TEX9: variants seen among roughly 807,000 people sequenced by gnomAD.
The protein encoded by TEX9 is testis expressed 9.
A neutral mutation model predicts 59.6 loss-of-function variants in TEX9; 74 were observed. The ratio of observed to expected loss-of-function variants is 1.24; its 90% CI spans 1.03 to 1.51. The LOEUF (loss-of-function observed/expected upper bound fraction) is 1.51. Among genes scored for constraint, TEX9 ranks in the 40% most tolerant of loss-of-function variants. TEX9 has a pLI of 0.00. For synonymous variants in TEX9, 186 were observed against 152.2 expected (o/e 1.22, Z -1.64); for missense variants, 522 against 447.8 (o/e 1.17, Z -1.49).
At chr15:56,372,629 G>C (rs2682036) in intron 2 of TEX9, among the ~76,000 whole-genome samples, 1 of 151,914 alleles carries the variant, frequency 6.6e-6, no homozygotes, top group South Asian at 2.1e-4. Context: ...ATTACGTGAA[G>C]ATAGATATTC....
At chr15:56,428,645 A>AG (rs2140300725) in intron 12 of TEX9, 1 of 447,628 alleles carries the variant, frequency 2.2e-6, no homozygotes, top group African/African-American at 2.0e-5. Context: ...TAGCGTGACA[A>AG]TTAAGCACAT....
chr15:56,277,886 G>C (rs574514095), intron 1 of TEX9, among the ~76,000 whole-genome samples: 1 of 152,204 alleles, frequency 6.6e-6, no homozygotes, highest in East Asian at 1.9e-4. Context: ...TTTGTGGAAA[G>C]ACAATAAATG....
At chr15:56,311,137 T>A (rs140192245) in intron 1 of TEX9, among the ~76,000 whole-genome samples, 6,428 of 43,634 alleles carry the variant, frequency 0.15, 217 homozygotes, top group Admixed American at 0.26. Context: ...TTTTTTTTTT[T>A]AATTTCTTTT....
intron 1 of TEX9, among the ~76,000 whole-genome samples, chr15:56,247,611 C>T (rs1218978618): frequency 1.3e-5 from 2 of 151,854 alleles, no homozygotes; most frequent in South Asian, 2.1e-4. Context: ...GTAGTATAGG[C>T]GAGGGAAAAG....
intron 10 of TEX9, among the ~76,000 whole-genome samples, chr15:56,425,330 T>TTCTA (rs1238771106): frequency 6.6e-6 from 1 of 152,182 alleles, no homozygotes; most frequent in African/African-American, 2.4e-5. Context: ...TTGTCTCCTT[T>TTCTA]TCTATCTAAG....
chr15:56,441,358 T>C (rs2050811121), intron 12 of TEX9, among the ~76,000 whole-genome samples: 1 of 152,194 alleles, frequency 6.6e-6, no homozygotes, highest in Non-Finnish European at 1.5e-5. Flanking sequence ...TGTGTTCTGC[T>C]GTTGTTGGGT....
intron 1 of TEX9, among the ~76,000 whole-genome samples, chr15:56,345,017 TTCTA>T (rs1477674162): frequency 4.9e-5 from 7 of 143,898 alleles, no homozygotes; most frequent in African/African-American, 1.3e-4. Flanking sequence ...TTACTAGTTT[TTCTA>T]TCTATCTATC....
chr15:56,264,971 T>C (rs1250253381), intron 1 of TEX9, among the ~76,000 whole-genome samples: 1 of 152,216 alleles, frequency 6.6e-6, no homozygotes, highest in African/African-American at 2.4e-5. Context: ...GTCTGTCCTT[T>C]CACCAATATC....
Position 56,385,037 on chromosome 15 carries a change from G to A in TEX9, c.263+1006G>A, listed in dbSNP as rs971283686. Among the ~76,000 whole-genome samples, 3 of 152,254 alleles carry A rather than the reference G, an allele frequency of 2.0e-5. No individual in the cohort carries two copies. In the East Asian group the frequency reaches 5.8e-4, roughly 29 times the overall value. On this transcript the variant is annotated intron_variant, in intron 4 of 12. Transcript: ENST00000352903. ...CATTTTGAGTTAATTTTTGTATGTG[G>A]TATAAGAGTCAACCTCCATTCTTTT...
intron 1 of TEX9, among the ~76,000 whole-genome samples, chr15:56,318,850 T>A (rs1429460334): frequency 2.0e-5 from 3 of 152,130 alleles, no homozygotes; most frequent in African/African-American, 7.2e-5. Context: ...GTCACACATG[T>A]CATTATATTA....
rs369527505 is a variant in TEX9, at chr15:56,377,833, C to T, written c.183+4329C>T. On this transcript the variant is annotated intron_variant, in intron 3 of 12. Coordinates refer to ENST00000352903, the Ensembl canonical transcript of TEX9. ...GGAAAGACGGTCAGTTTTTCCCATTCGGTATGATACTAGCTGTGGGTCTGT... is the reference window on the plus strand; with the variant it reads ...GGAAAGACGGTCAGTTTTTCCCATTTGGTATGATACTAGCTGTGGGTCTGT... 2.4e-4 allele frequency among the ~76,000 whole-genome samples: 37 copies of T among 152,174 alleles called. No individual in the cohort carries two copies. In the South Asian group the frequency reaches 6.8e-3, roughly 28 times the overall value.
At chr15:56,313,365 T>G (rs2045672075) in intron 1 of TEX9, among the ~76,000 whole-genome samples, 1 of 121,276 alleles carries the variant, frequency 8.2e-6, no homozygotes, top group African/African-American at 3.0e-5. Context: ...TGAAGGGTTG[T>G]TGAATTTTGT....
intron 1 of TEX9, among the ~76,000 whole-genome samples, chr15:56,317,793 C>T (rs1567083572): frequency 1.3e-5 from 2 of 152,102 alleles, no homozygotes; most frequent in African/African-American, 4.8e-5. Flanking sequence ...TTATGTCATT[C>T]AATTTCCACA....
At chr15:56,289,086 C>T (rs959758246) in intron 1 of TEX9, among the ~76,000 whole-genome samples, 1 of 152,120 alleles carries the variant, frequency 6.6e-6, no homozygotes, top group African/African-American at 2.4e-5. Flanking sequence ...AATATAATTT[C>T]AATCTCATTG....
At position 56,318,944 on chromosome 15, in the gene TEX9, G is replaced by A. The variant is rs1436706159; in HGVS notation, c.-106-54497G>A. ...AACAAATGAGATTAAAGAACTCTAC[G>A]CTATTACAACCCTGTACATAACATG... On this transcript the variant is annotated intron_variant, in intron 1 of 5. Coordinates refer to the TEX9 transcript ENST00000560827. Among the ~76,000 whole-genome samples, 3 of 151,974 alleles carry A rather than the reference G, an allele frequency of 2.0e-5. No individual in the cohort carries two copies. In the East Asian group the frequency reaches 5.8e-4, roughly 29 times the overall value.
At chr15:56,280,946 C>T (rs1202554700) in intron 1 of TEX9, among the ~76,000 whole-genome samples, 1 of 152,172 alleles carries the variant, frequency 6.6e-6, no homozygotes, top group East Asian at 1.9e-4. Context: ...GCAAAGTTGA[C>T]ATTCATAGCT....
intron 1 of TEX9, among the ~76,000 whole-genome samples, chr15:56,339,416 A>AAAAAAAG (rs2046331355): frequency 7.2e-6 from 1 of 139,034 alleles, no homozygotes; most frequent in Non-Finnish European, 1.6e-5. Flanking sequence ...AAAAAAAAAC[A>AAAAAAAG]GGAGAATAAC....
At chr15:56,369,116 C>G (rs1286635607) in intron 2 of TEX9, among the ~76,000 whole-genome samples, 1 of 151,958 alleles carries the variant, frequency 6.6e-6, no homozygotes, top group Admixed American at 6.6e-5. Context: ...ATACGATTTT[C>G]ATAGTAATTA....
intron 12 of TEX9, chr15:56,444,794 G>A: frequency 5.5e-6 from 5 of 913,828 alleles, no homozygotes; most frequent in Non-Finnish European, 8.1e-6. Context: ...TTTTTCATCT[G>A]TCTAGGTTAA....
Sources: gnomAD v4.1 joint callset for allele counts (sites outside exome capture counted in the v4.1 genomes callset) on GRCh38, gnomAD v4.1.1 for gene constraint, MANE v1.5 for transcripts, NCBI Gene and HGNC (gene_info 2026-07-23, HGNC 2026-07-21) for gene names.